CDH20: variants seen among roughly 807,000 people sequenced by gnomAD.
CDH20 encodes the protein cadherin 20.
In CDH20, 29 loss-of-function variants were observed where a neutral mutation model predicts 74.2. The ratio of observed to expected loss-of-function variants is 0.39; its 90% CI spans 0.29 to 0.53. The LOEUF (loss-of-function observed/expected upper bound fraction) is 0.53. Ranked by LOEUF, CDH20 falls within the 20% of genes least tolerant of loss-of-function variation. CDH20 has a pLI of 0.69. For synonymous variants in CDH20, 469 were observed against 405.4 expected (o/e 1.16, Z -1.88); for missense variants, 988 against 1,048.3 (o/e 0.94, Z 0.79).
intron 6 of CDH20, among the ~76,000 whole-genome samples, chr18:61,525,120 G>A (rs1912345521): frequency 6.6e-6 from 1 of 152,040 alleles, no homozygotes; most frequent in Non-Finnish European, 1.5e-5. Context: ...CTACAAAGGG[G>A]CACAGAGAGG....
At position 61,544,937 on chromosome 18, in the gene CDH20, C is replaced by A. The variant is rs770348251; in HGVS notation, c.1531-90C>A. 7 of 818,934 alleles carry A rather than the reference C, an allele frequency of 8.5e-6. No homozygotes were observed. In the Admixed American group the frequency reaches 1.2e-4, roughly 14 times the overall value. The allele number at this position is 818,934 out of a possible 1,614,324, so 50.7% of individuals were successfully genotyped here. On this transcript the variant is annotated intron_variant, in intron 9 of 11. Transcript: ENST00000262717. ...ATCCTTCTCATAAGGTAAAACATCC[C>A]ACCATCGCGTTTCCGGGTTTGGGAT...
chr18:61,538,588 G>GTTTTTTTTTTTTT (rs1265851069), intron 8 of CDH20, among the ~76,000 whole-genome samples: 5 of 55,092 alleles, frequency 9.1e-5, no homozygotes, highest in African/African-American at 1.5e-4. Context: ...CTTTTTGTTT[G>GTTTTTTTTTTTTT]TTTGTTTGTT....
intron 1 of CDH20, among the ~76,000 whole-genome samples, chr18:61,437,926 T>A (rs1908890605): frequency 6.6e-6 from 1 of 152,206 alleles, no homozygotes; most frequent in African/African-American, 2.4e-5. Flanking sequence ...AATCTCGAAG[T>A]GGAATTGCCT....
chr18:61,339,701 T>TTTTA (rs1555669184), intron 1 of CDH20, among the ~76,000 whole-genome samples: 1 of 122,948 alleles, frequency 8.1e-6, no homozygotes, highest in African/African-American at 3.0e-5. Flanking sequence ...TTTTTTTTTT[T>TTTTA]TTTTGAGATG....
intron 1 of CDH20, among the ~76,000 whole-genome samples, chr18:61,480,834 CATAAGG>C (rs1910564872): frequency 2.0e-5 from 3 of 152,210 alleles, no homozygotes; most frequent in African/African-American, 7.2e-5. Flanking sequence ...ACTTCTGACA[CATAAGG>C]ATTATGTTGT....
At chr18:61,370,015 C>T (rs1317686029) in intron 1 of CDH20, among the ~76,000 whole-genome samples, 3 of 152,086 alleles carry the variant, frequency 2.0e-5, no homozygotes, top group Non-Finnish European at 4.4e-5. Context: ...AGCCCCATGA[C>T]ACAAGTTTAC....
chr18:61,490,911 G>T, intron 2 of CDH20, 112 bp downstream of exon 2: 1 of 1,171,522 alleles, frequency 8.5e-7, no homozygotes, highest in South Asian at 1.4e-5. Flanking sequence ...ACTAGAACAA[G>T]TGGTACGTTA....
intron 1 of CDH20, among the ~76,000 whole-genome samples, chr18:61,343,760 T>A (rs774996496): frequency 3.9e-5 from 6 of 152,218 alleles, no homozygotes; most frequent in Non-Finnish European, 8.8e-5. Flanking sequence ...ATCTGAAATA[T>A]CTTCATGTGA....
At chr18:61,444,836 A>G (rs1241652088) in intron 1 of CDH20, among the ~76,000 whole-genome samples, 1 of 152,090 alleles carries the variant, frequency 6.6e-6, no homozygotes, top group African/African-American at 2.4e-5. Flanking sequence ...ATAATTTCAA[A>G]TTCATTATGT....
Position 61,536,613 on chromosome 18 carries a change from C to A in CDH20, c.1392C>A (p.Val464=). The change falls in exon 8 of 12, where the codon GTC becomes GTA. Residue 464 remains valine (V), a synonymous_variant. Transcript: ENST00000262717. Reference sequence around the variant, plus strand: ...AATTTTCTTGGCATAATATCACTGTCCTTGCTATGGAAATGAGTAAGTAGC... The same window carrying A: ...AATTTTCTTGGCATAATATCACTGTACTTGCTATGGAAATGAGTAAGTAGC... The part of the protein sequence containing the change: ...REEFSWHNIT[V]LAMEMNNPSQ... 1 of 1,613,788 alleles carries A rather than the reference C, an allele frequency of 6.2e-7. No individual in the cohort carries two copies. The highest frequency in any genetic ancestry group is 8.5e-7 in the Non-Finnish European group (1 of 1,179,754).
intron 1 of CDH20, among the ~76,000 whole-genome samples, chr18:61,389,921 T>C (rs1911718289): frequency 6.6e-6 from 1 of 152,210 alleles, no homozygotes; most frequent in Admixed American, 6.5e-5. Context: ...CTCTTTCTGG[T>C]GATCATTTTG....
At chr18:61,532,256 T>C (rs577697743) in intron 7 of CDH20, among the ~76,000 whole-genome samples, 4 of 152,272 alleles carry the variant, frequency 2.6e-5, no homozygotes, top group African/African-American at 9.6e-5. Flanking sequence ...ATAGGTGATG[T>C]GTGCTGAGCA....
chr18:61,536,669 A>G, intron 8 of CDH20, 40 bp downstream of exon 8: 1 of 1,578,878 alleles, frequency 6.3e-7, no homozygotes, highest in Non-Finnish European at 8.7e-7. Context: ...CAGTGACAAA[A>G]TATAGGTGTT....
Position 61,554,652 on chromosome 18 carries a change from C to A in CDH20, c.2363C>A (p.Ala788Asp). 2 of 1,596,660 alleles carry A rather than the reference C, an allele frequency of 1.3e-6. No individual in the cohort carries two copies. The highest frequency in any genetic ancestry group is 1.7e-6 in the Non-Finnish European group (2 of 1,172,164). The change falls in exon 12 of 12, where the codon GCC becomes GAC. Residue 788 changes from alanine to aspartate, a missense_variant. Physicochemically the swap from Ala to Asp is moderately radical, Grantham distance 126. Transcript: ENST00000262717. ...TGGGGGCCCCGCTTCCGGAAGCTGGCCGAGCTCTACGGGGCGTCGGAGGGA... is the reference window on the plus strand; with the variant it reads ...TGGGGGCCCCGCTTCCGGAAGCTGGACGAGCTCTACGGGGCGTCGGAGGGA... ...TDWGPRFRKL[A>D]ELYGASEGPA...
intron 7 of CDH20, among the ~76,000 whole-genome samples, chr18:61,536,156 G>A (rs1912811016): frequency 2.0e-5 from 3 of 152,048 alleles, no homozygotes; most frequent in Admixed American, 6.6e-5. Flanking sequence ...ATATATACAG[G>A]ACTCGATACT....
chr18:61,532,027 G>C (rs1912663099), intron 7 of CDH20, among the ~76,000 whole-genome samples: 1 of 152,142 alleles, frequency 6.6e-6, no homozygotes, highest in Admixed American at 6.6e-5. Context: ...ATAAAGTCTT[G>C]TTTCCTTAGA....
At chr18:61,386,675 T>C (rs762056438) in intron 1 of CDH20, among the ~76,000 whole-genome samples, 2 of 152,246 alleles carry the variant, frequency 1.3e-5, no homozygotes, top group East Asian at 1.9e-4. Flanking sequence ...AGCCTAGCTA[T>C]TGAACAATAG....
At chr18:61,425,438 C>T (rs1555675728) in intron 1 of CDH20, among the ~76,000 whole-genome samples, 1 of 152,166 alleles carries the variant, frequency 6.6e-6, no homozygotes, top group Non-Finnish European at 1.5e-5. Flanking sequence ...ATGAGTAGGG[C>T]CCAGTGCCTC....
chr18:61,362,604 G>C (rs1910733684), intron 1 of CDH20, among the ~76,000 whole-genome samples: 1 of 152,138 alleles, frequency 6.6e-6, no homozygotes, highest in Admixed American at 6.5e-5. Context: ...GGAGATGAAA[G>C]TATGAGGAAG....
Sources: allele counts gnomAD v4.1 joint callset (sites outside exome capture counted in the v4.1 genomes callset), GRCh38; gene constraint gnomAD v4.1.1; transcripts MANE v1.5; gene names NCBI Gene and HGNC (gene_info 2026-07-23, HGNC 2026-07-21).